CHST3: variants seen among roughly 807,000 people sequenced by gnomAD.
The protein encoded by CHST3 is carbohydrate sulfotransferase 3, also known as C6ST-1.
Under a neutral mutation model 35.4 loss-of-function variants are expected in CHST3, and 20 were observed. The ratio of observed to expected loss-of-function variants is 0.57; its 90% CI spans 0.40 to 0.82. The LOEUF (loss-of-function observed/expected upper bound fraction) is 0.82, where lower values mean the gene tolerates loss of function less well. Among genes scored for constraint, CHST3 ranks in the 40% least tolerant of loss-of-function variants. CHST3 has a pLI of 0.00. For synonymous variants in CHST3, 334 were observed against 295.9 expected, an observed-to-expected ratio of 1.13 and a Z score of -1.32; for missense variants, 693 against 670.1, an observed-to-expected ratio of 1.03 and a Z score of -0.38.
chr10:71,985,190 C>G (rs4746103), intron 1 of CHST3, among the ~76,000 whole-genome samples: 80,954 of 152,186 alleles, frequency 0.53, 21,972 homozygotes, highest in Non-Finnish European at 0.59. Context: ...TGGCCGACCC[C>G]CTGACCCGCT....
At chr10:71,988,858 C>T (rs1217026556) in intron 1 of CHST3, among the ~76,000 whole-genome samples, 1 of 152,114 alleles carries the variant, frequency 6.6e-6, no homozygotes, top group Non-Finnish European at 1.5e-5. Context: ...AGCTTTTACT[C>T]ATGAGATGAA....
At chr10:72,005,564 A>T (rs1303044188) in intron 1 of CHST3, among the ~76,000 whole-genome samples, 172 bp from the exon 2 acceptor site, 2 of 152,222 alleles carry the variant, frequency 1.3e-5, no homozygotes, top group African/African-American at 4.8e-5. Context: ...TTAGCATTTT[A>T]AATGACCTAT....
intron 1 of CHST3, among the ~76,000 whole-genome samples, chr10:71,975,521 T>C (rs1839736654): frequency 6.6e-6 from 1 of 152,186 alleles, no homozygotes; most frequent in African/African-American, 2.4e-5. Flanking sequence ...TTGAAGTCTG[T>C]AGATCCATTT....
Position 72,007,727 on chromosome 10 carries a change from C to T in CHST3, c.696C>T (p.Pro232=), listed in dbSNP as rs1252679106. The change falls in exon 3 of 3, where the codon CCC becomes CCT. Residue 232 remains proline, a synonymous_variant. Transcript: ENST00000373115. ...CCAGCCGCTCCCTGTGCGAGGACCC[C>T]GTCTGTACGCCCTTCGTCAAGAAGG... is the stretch of plus-strand genomic sequence containing the variant. ...RGSSRSLCED[P]VCTPFVKKVF... is the part of the protein sequence containing the mutation. The T allele has an allele frequency of 5.0e-6, 8 of 1,604,420 alleles. No individual in the cohort carries two copies. The highest frequency in any genetic ancestry group is 2.2e-5 in the East Asian group (1 of 44,854).
chr10:71,997,353 G>A (rs556620904), intron 1 of CHST3, among the ~76,000 whole-genome samples: 1 of 152,182 alleles, frequency 6.6e-6, no homozygotes, highest in South Asian at 2.1e-4. Flanking sequence ...GATGTCCTCT[G>A]GGAGCATCCG....
At position 71,970,252 on chromosome 10, in the gene CHST3, AC is replaced by A. The variant is rs571399683; in HGVS notation, c.-108+5564del. Among the ~76,000 whole-genome samples, 1,030 of 149,362 alleles carry A rather than the reference AC, an allele frequency of 6.9e-3. 10 individuals carry two copies. The highest frequency in any genetic ancestry group is 0.017 in the Middle Eastern group (5 of 292). On this transcript the variant is annotated intron_variant, in intron 1 of 2. Coordinates refer to ENST00000373115, the MANE Select transcript of CHST3 (RefSeq NM_004273.5). ...GCCCTCCGTCCTCTTGATCCCCCTC[AC>A]CCCCCACCACCTCCTCACAAAGATG...
chr10:71,973,845 C>T (rs112269047), intron 1 of CHST3, among the ~76,000 whole-genome samples: 4 of 152,176 alleles, frequency 2.6e-5, no homozygotes, highest in African/African-American at 9.7e-5. Flanking sequence ...GGGAAAGTTC[C>T]GATTGAAGAC....
chr10:72,003,110 G>T (rs1298809881), intron 1 of CHST3, among the ~76,000 whole-genome samples: 1 of 152,198 alleles, frequency 6.6e-6, no homozygotes, highest in Non-Finnish European at 1.5e-5. Flanking sequence ...AAATGGGCTA[G>T]TTGCTGCCTC....
At chr10:71,979,048 C>A (rs377200023) in intron 1 of CHST3, among the ~76,000 whole-genome samples, 12 of 152,340 alleles carry the variant, frequency 7.9e-5, no homozygotes, top group African/African-American at 2.6e-4. Context: ...TTTCTTCCTT[C>A]TTTCCTTACA....
intron 1 of CHST3, among the ~76,000 whole-genome samples, chr10:71,996,391 C>CTCTCTT (rs10653065): frequency 0.63 from 95,010 of 150,328 alleles, 31,038 homozygotes; most frequent in African/African-American, 0.81. Context: ...CCAAGACTCT[C>CTCTCTT]TCTCTTTCTC....
chr10:71,993,119 G>A (rs937823986), intron 1 of CHST3, among the ~76,000 whole-genome samples: 3 of 152,100 alleles, frequency 2.0e-5, no homozygotes, highest in Non-Finnish European at 2.9e-5. Flanking sequence ...ATCACATATC[G>A]TTAGTTGTTA....
intron 1 of CHST3, among the ~76,000 whole-genome samples, chr10:71,978,377 A>C (rs1043039967): frequency 4.0e-5 from 6 of 151,814 alleles, no homozygotes; most frequent in African/African-American, 1.5e-4. Flanking sequence ...AAAAAAAAAA[A>C]AAACAAAGTG....
chr10:72,003,632 C>T (rs1216530192), intron 1 of CHST3, among the ~76,000 whole-genome samples: 1 of 145,268 alleles, frequency 6.9e-6, no homozygotes, highest in Non-Finnish European at 1.5e-5. Flanking sequence ...ACCCAGGAGG[C>T]GGAGATTGCA....
intron 1 of CHST3, among the ~76,000 whole-genome samples, chr10:71,984,394 T>C (rs1483797619): frequency 1.3e-5 from 2 of 152,196 alleles, no homozygotes; most frequent in Non-Finnish European, 2.9e-5. Context: ...AATCCCTTCA[T>C]CCCTTCCTTG....
At chr10:71,993,552 A>G (rs536118035) in intron 1 of CHST3, among the ~76,000 whole-genome samples, 16 of 152,286 alleles carry the variant, frequency 1.1e-4, no homozygotes, top group African/African-American at 3.4e-4. Context: ...TGAGTCACAA[A>G]TGTTCTTACT....
Position 72,008,612 on chromosome 10 carries a change from C to T in CHST3, c.*141C>T. On this transcript the variant is annotated 3_prime_UTR_variant, in exon 3 of 3. Coordinates refer to ENST00000373115, the MANE Select transcript of CHST3 (RefSeq NM_004273.5). ...TAGGGCCCCCAGCCAGCGCTCCAGC[C>T]AAAGCGGCGGCCCCAGGGTTAATTG... 1 of 1,420,568 alleles carries T rather than the reference C, an allele frequency of 7.0e-7. No homozygotes were observed. Among genetic ancestry groups the T allele is most frequent in the Non-Finnish European group, 9.2e-7 (1 of 1,087,790 alleles). 88.0% of individuals were successfully genotyped at this position (1,420,568 alleles called of 1,614,324 possible).
intron 1 of CHST3, among the ~76,000 whole-genome samples, chr10:71,983,573 C>G (rs1839820898): frequency 6.6e-6 from 1 of 152,096 alleles, no homozygotes; most frequent in Admixed American, 6.6e-5. Flanking sequence ...GCCTCAGCCT[C>G]CTGGGTGGCT....
intron 1 of CHST3, among the ~76,000 whole-genome samples, chr10:71,968,596 G>A (rs1343454143): frequency 1.3e-5 from 2 of 152,204 alleles, no homozygotes; most frequent in Admixed American, 6.5e-5. Flanking sequence ...ATGCCAGGCT[G>A]TCTGCAAGGC....
At chr10:71,994,096 T>C (rs1435748079) in intron 1 of CHST3, among the ~76,000 whole-genome samples, 1 of 151,350 alleles carries the variant, frequency 6.6e-6, no homozygotes, top group East Asian at 1.9e-4. Flanking sequence ...CGAGACTCCA[T>C]TCAAAAACAA....
Sources: allele counts gnomAD v4.1 joint callset (sites outside exome capture counted in the v4.1 genomes callset), GRCh38; gene constraint gnomAD v4.1.1; transcripts MANE v1.5; gene names NCBI Gene and HGNC (gene_info 2026-07-23, HGNC 2026-07-21).